GNL3L: variants seen among roughly 807,000 people sequenced by gnomAD.
The protein encoded by GNL3L is G protein nucleolar 3 like.
In GNL3L, 4 loss-of-function variants were observed where a neutral mutation model predicts 42.9. The ratio of observed to expected loss-of-function variants is 0.09; its 90% CI spans 0.05 to 0.21. GNL3L has a LOEUF of 0.21. GNL3L is among the 10% of genes least tolerant of loss of function. The probability of loss-of-function intolerance (pLI) is 1.00; values close to 1 mark genes in which losing one functional copy is unlikely to be tolerated. For synonymous variants in GNL3L, 159 were observed against 176.3 expected (o/e 0.90, Z 0.78); for missense variants, 412 against 481.7 (o/e 0.86, Z 1.36).
chrX:54,558,201 T>C (rs1275866824), intron 14 of GNL3L, among the ~76,000 whole-genome samples: 1 of 111,066 alleles, frequency 9.0e-6, no homozygotes, highest in African/African-American at 3.3e-5. Context: ...ATTTTATTCT[T>C]GTAGAAGCCA....
At chrX:54,535,059 C>T (rs12390780) in intron 2 of GNL3L, among the ~76,000 whole-genome samples, 38 of 111,782 alleles carry the variant, frequency 3.4e-4, no homozygotes, top group Admixed American at 2.1e-3. Context: ...TATTTAAATT[C>T]GACCCATTCA....
intron 16 of GNL3L, among the ~76,000 whole-genome samples, chrX:54,607,078 CTTTCTTCTTTCTTTCTTTCT>C (rs2039402862): frequency 3.3e-4 from 9 of 27,321 alleles, no homozygotes; most frequent in Non-Finnish European, 5.6e-4. Flanking sequence ...CTTTCTCTTT[CTTTCTTCTTTCTTTCTTTCT>C]TTCTTTCTTT....
intron 9 of GNL3L, among the ~76,000 whole-genome samples, chrX:54,550,205 C>CGAGA (rs58576849): frequency 0.013 from 1,213 of 91,121 alleles, 14 homozygotes; most frequent in Middle Eastern, 0.035. Flanking sequence ...TGGGAATGAC[C>CGAGA]GAGAGAGAGA....
intron 16 of GNL3L, among the ~76,000 whole-genome samples, chrX:54,605,585 C>T (rs1429017703): frequency 8.9e-6 from 1 of 111,856 alleles, no homozygotes; most frequent in Non-Finnish European, 1.9e-5. Flanking sequence ...TTATGAGGCA[C>T]TCAGATTCCT....
At chrX:54,530,482 C>G (rs1924211259) in intron 1 of GNL3L, 63 bp downstream of exon 1, 1 of 111,504 alleles carries the variant, frequency 9.0e-6, no homozygotes, top group Non-Finnish European at 1.9e-5. Flanking sequence ...TCGCGGCACA[C>G]GTGGAGACGC....
At chrX:54,603,269 CCAAT>C (rs1182163474) in intron 16 of GNL3L, among the ~76,000 whole-genome samples, 2 of 110,971 alleles carry the variant, frequency 1.8e-5, no homozygotes, top group South Asian at 3.8e-4. Flanking sequence ...AAATAAATAA[CCAAT>C]CAATCAATGG....
rs1924675026 is a variant in GNL3L at position 54,543,051 on chromosome X, A to G, written c.390+13A>G. 1 of 1,131,430 alleles carries G rather than the reference A, an allele frequency of 8.8e-7. No individual in the cohort carries two copies. Among genetic ancestry groups the G allele is most frequent in the Admixed American group, 2.2e-5 (1 of 45,234 alleles). The allele number at this position is 1,131,430 out of a possible 1,213,427, so 93.2% of individuals were successfully genotyped here. ...GGAGTTCCGTAAGGTACAGGGTTCC[A>G]TTTCTTCAGGCTTTTGCGGGAGGGT... is the stretch of plus-strand genomic sequence containing the variant. On this transcript the variant is annotated intron_variant, in intron 6 of 15. Transcript: ENST00000360845.
At position 54,551,549 on chromosome X, in the gene GNL3L, T is replaced by A; in HGVS notation, c.864-19T>A. 1 of 1,201,362 alleles carries A rather than the reference T, an allele frequency of 8.3e-7. No homozygotes were observed. The highest frequency in any genetic ancestry group is 1.1e-6 in the Non-Finnish European group (1 of 887,428). ...CTACGATGCCAGGTACATCTGGGCT[T>A]TCTTCTTCCCCGCCCCAGATTCATG... On this transcript the variant is annotated intron_variant, in intron 10 of 15. Coordinates refer to ENST00000360845, the MANE Select transcript of GNL3L (RefSeq NM_001184819.2).
chrX:54,619,433 T>C (rs1260792985), intron 16 of GNL3L, among the ~76,000 whole-genome samples: 13 of 111,005 alleles, frequency 1.2e-4, no homozygotes, highest in African/African-American at 4.3e-4. Context: ...TATAAAAACT[T>C]TTGGAAATAT....
At chrX:54,537,769 G>A (rs1252458974) in intron 2 of GNL3L, among the ~76,000 whole-genome samples, 5 of 111,016 alleles carry the variant, frequency 4.5e-5, no homozygotes, top group Non-Finnish European at 9.4e-5. Flanking sequence ...TGTTAAAGCA[G>A]TCTGTGTTTG....
the GNL3L span, among the ~76,000 whole-genome samples, chrX:54,630,766 C>A: frequency 1.2e-4 from 11 of 92,155 alleles, no homozygotes; most frequent in African/African-American, 4.8e-4. Flanking sequence ...CTTTCCCTTT[C>A]TTTCTTTCTC....
intron 16 of GNL3L, among the ~76,000 whole-genome samples, chrX:54,584,082 T>C (rs1183881276): frequency 2.5e-5 from 2 of 78,794 alleles, no homozygotes; most frequent in African/African-American, 1.7e-4. Context: ...CTTCTAATGA[T>C]TTTTTTTTTT....
At chrX:54,610,823 T>A (rs961352241) in intron 16 of GNL3L, among the ~76,000 whole-genome samples, 2 of 111,629 alleles carry the variant, frequency 1.8e-5, no homozygotes, top group African/African-American at 6.5e-5. Flanking sequence ...TTTGGTTATA[T>A]CCTTTCCTGG....
At position 54,563,407 on chromosome X, in the gene GNL3L, AAGTATCTAAATGAGTAAGAAAC is replaced by A. The variant is rs1317046786; in HGVS notation, c.*2808_*2829del. 9.0e-6 allele frequency among the ~76,000 whole-genome samples: 1 copy of A among 111,415 alleles called. No homozygotes were observed. The highest frequency in any genetic ancestry group is 1.9e-5 in the Non-Finnish European group (1 of 53,176). On this transcript the variant is annotated 3_prime_UTR_variant, in exon 16 of 16. Transcript: ENST00000360845. ...GCTGGGAGGTAAATATTAGAAATGGAAGTATCTAAATGAGTAAGAAACAGCATGGGAGCATAATTTGGCCAAA... is the reference window on the plus strand; with the variant it reads ...GCTGGGAGGTAAATATTAGAAATGGAAGCATGGGAGCATAATTTGGCCAAA...
intron 1 of GNL3L, 35 bp from the exon 2 acceptor site, chrX:54,532,485 C>T: frequency 2.6e-6 from 2 of 768,782 alleles, no homozygotes. Flanking sequence ...TGATTCCCAG[C>T]TGTCTTCAAA....
chrX:54,619,426 A>G (rs1433669273), intron 16 of GNL3L, among the ~76,000 whole-genome samples: 1 of 111,312 alleles, frequency 9.0e-6, no homozygotes, highest in Admixed American at 9.6e-5. Context: ...GTATATATAT[A>G]AAAACTTTTG....
intron 16 of GNL3L, among the ~76,000 whole-genome samples, chrX:54,572,412 C>T (rs1407245921): frequency 8.9e-6 from 1 of 111,735 alleles, no homozygotes; most frequent in African/African-American, 3.3e-5. Context: ...CTTCTTTCTA[C>T]ACAGACACAG....
chrX:54,580,094 C>T (rs1416182625), intron 16 of GNL3L, among the ~76,000 whole-genome samples: 1 of 101,237 alleles, frequency 9.9e-6, no homozygotes, highest in Non-Finnish European at 2.0e-5. Flanking sequence ...GTGTGCTGCA[C>T]CCATTAACTC....
chrX:54,629,104 T>C, the GNL3L span, among the ~76,000 whole-genome samples: 1 of 109,283 alleles, frequency 9.2e-6, no homozygotes, highest in African/African-American at 3.3e-5. Flanking sequence ...GATTTGTGTA[T>C]GTTGCTTTTG....
Sources: allele counts gnomAD v4.1 joint callset (sites outside exome capture counted in the v4.1 genomes callset), GRCh38; gene constraint gnomAD v4.1.1; transcripts MANE v1.5; gene names NCBI Gene and HGNC (gene_info 2026-07-23, HGNC 2026-07-21).